The following MTRES1 variants were observed in gnomAD, a reference collection of about 807,000 sequenced individuals.
The protein encoded by MTRES1 is uncharacterized protein C6orf203.
MTRES1 carries 11 observed loss-of-function variants against 17.4 expected under a neutral mutation model. The observed-to-expected ratio is 0.63, with a 90% CI of 0.40 to 1.05. The LOEUF is 1.05. MTRES1 is among the 50% of genes least tolerant of loss of function. The pLI, the probability that MTRES1 is intolerant of heterozygous loss-of-function variation, is 0.00. For synonymous variants in MTRES1, 94 were observed against 99.6 expected (o/e 0.94, Z 0.34); for missense variants, 268 against 276.2 (o/e 0.97, Z 0.21).
rs1554227520 is a variant in MTRES1 at position 107,040,190 on chromosome 6, T to C, written c.430T>C (p.Tyr144His). 1 of 1,608,574 alleles carries C rather than the reference T, an allele frequency of 6.2e-7. No homozygotes were observed. The highest frequency in any genetic ancestry group is 1.7e-5 in the Admixed American group (1 of 58,442). ...GGAAAAAGCAGTTCAGTCTTTTCGG[T>C]ATGATGTTGTCCTGAAGACGGGGCT... ...DLEKAVQSFR[Y>H]DVVLKTGLDI... Residue 144 changes from tyrosine (Y) to histidine (H), a missense_variant, in exon 2 of 4, where the codon TAT becomes CAT. Tyr to His is a moderately conservative substitution (Grantham distance 83). Transcript: ENST00000311381.
In MTRES1 at chr6:107,051,127, G is replaced by T; in HGVS notation, c.614G>T (p.Arg205Leu). 1 of 1,613,676 alleles carries T rather than the reference G, an allele frequency of 6.2e-7. No homozygotes were observed. The highest frequency in any genetic ancestry group is 1.6e-4 in the Middle Eastern group (1 of 6,062). The change falls in exon 4 of 4, where the codon CGG becomes CTG. Residue 205 changes from arginine to leucine, a missense_variant. Physicochemically the swap from Arg to Leu is moderately radical, Grantham distance 102. Coordinates refer to ENST00000311381, the MANE Select transcript of MTRES1 (RefSeq NM_016487.5). Reference sequence around the variant, plus strand: ...GAAGCAGGAACAGAGACAGTTATGCGGATTCTCTTGAAAAAAGTGTTTGAA... The same window carrying T: ...GAAGCAGGAACAGAGACAGTTATGCTGATTCTCTTGAAAAAAGTGTTTGAA... The part of the protein sequence containing the change: ...DKEAGTETVM[R>L]ILLKKVFEEK...
chr6:107,049,409 T>A (rs1487227279), intron 3 of MTRES1, among the ~76,000 whole-genome samples: 8 of 48,888 alleles, frequency 1.6e-4, no homozygotes, highest in Non-Finnish European at 3.2e-4. Context: ...ATGGCCCTTC[T>A]TTTTTTTTTT....
intron 3 of MTRES1, among the ~76,000 whole-genome samples, chr6:107,048,842 C>T (rs540438834): frequency 2.9e-3 from 435 of 151,906 alleles, no homozygotes; most frequent in Non-Finnish European, 4.5e-3. Context: ...GGAACCCCCC[C>T]ACCCCTGCCC....
Position 107,040,157 on chromosome 6 carries a change from A to G in MTRES1, c.397A>G (p.Lys133Glu). ...EDDPTVVKNYKDLEKAVQSFR... is the reference protein window; with the variant it reads ...EDDPTVVKNYEDLEKAVQSFR... ...TGATCCTACTGTAGTCAAAAACTAT[A>G]AAGACCTGGAAAAAGCAGTTCAGTC... The change falls in exon 2 of 4, where the codon AAA (lysine) becomes GAA (glutamate). Residue 133 changes from lysine (K) to glutamate (E), a missense_variant. Coordinates refer to ENST00000311381, the MANE Select transcript of MTRES1 (RefSeq NM_016487.5). 6.2e-7 allele frequency: 1 copy of G among 1,612,620 alleles called. No homozygotes were observed. The highest frequency in any genetic ancestry group is 8.5e-7 in the Non-Finnish European group (1 of 1,179,744).
intron 1 of MTRES1, among the ~76,000 whole-genome samples, chr6:107,032,356 C>T (rs373757371): frequency 1.3e-5 from 2 of 152,244 alleles, no homozygotes; most frequent in South Asian, 4.1e-4. Flanking sequence ...AACTGACTGC[C>T]AGGGCACACA....
intron 3 of MTRES1, among the ~76,000 whole-genome samples, chr6:107,048,390 AAAGT>A (rs1554228685): frequency 1.3e-5 from 2 of 151,680 alleles, no homozygotes; most frequent in Non-Finnish European, 2.9e-5. Flanking sequence ...TCAGCCTCCC[AAAGT>A]GCTGGGATTA....
intron 3 of MTRES1, 113 bp downstream of exon 3, chr6:107,044,445 C>T (rs1774325212): frequency 2.6e-6 from 2 of 772,294 alleles, no homozygotes; most frequent in East Asian, 2.5e-5. Context: ...CTCTGAGGTC[C>T]TTTGTGGTCC....
In MTRES1 at chr6:107,039,905, A is replaced by G. The variant is rs782793383; in HGVS notation, c.145A>G (p.Lys49Glu). The G allele has an allele frequency of 2.5e-6, 4 of 1,614,128 alleles. No individual in the cohort carries two copies. Among genetic ancestry groups the G allele is most frequent in the Admixed American group, 1.7e-5 (1 of 60,004 alleles). Residue 49 changes from lysine to glutamate, a missense_variant, in exon 2 of 4, where the codon AAG becomes GAG. Lys to Glu is a moderately conservative substitution (Grantham distance 56). Transcript: ENST00000311381. The part of the protein sequence containing the change: ...WNRYLYFSST[K>E]LRAPNYKTLF... ...TCGATACTTGTATTTTTCTAGTACC[A>G]AGTTACGTGCACCAAATTATAAAAC... is the stretch of plus-strand genomic sequence containing the variant.
intron 1 of MTRES1, chr6:107,028,477 C>T (rs1773713286): frequency 6.6e-6 from 1 of 152,360 alleles, no homozygotes; most frequent in Non-Finnish European, 1.5e-5. Context: ...CCTCCTGTCG[C>T]TCCTGCTGGC....
intron 3 of MTRES1, 126 bp downstream of exon 3, chr6:107,044,458 C>T: frequency 1.4e-6 from 1 of 714,724 alleles, no homozygotes; most frequent in Non-Finnish European, 2.5e-6. Context: ...TGTGGTCCTC[C>T]ACGTCAAGCT....
chr6:107,042,926 A>C (rs1394332429), intron 2 of MTRES1, among the ~76,000 whole-genome samples: 1 of 152,186 alleles, frequency 6.6e-6, no homozygotes, highest in Non-Finnish European at 1.5e-5. Context: ...CAGCAGTTCA[A>C]CATCTATTTA....
intron 3 of MTRES1, among the ~76,000 whole-genome samples, chr6:107,047,595 G>T (rs1774435539): frequency 6.6e-6 from 1 of 151,948 alleles, no homozygotes; most frequent in African/African-American, 2.4e-5. Flanking sequence ...TATTAAAAAT[G>T]AATTGTAGGC....
chr6:107,044,405 C>T, intron 3 of MTRES1, 73 bp downstream of exon 3: 1 of 1,185,224 alleles, frequency 8.4e-7, no homozygotes. Context: ...TTAATGCTGT[C>T]CCAAATTTTC....
intron 2 of MTRES1, chr6:107,040,975 C>T (rs1431111043): frequency 6.6e-6 from 1 of 152,000 alleles, no homozygotes; most frequent in Non-Finnish European, 1.5e-5. Context: ...GTCTGTAATC[C>T]GAGCACTTTG....
At chr6:107,033,420 A>G (rs372389076) in intron 1 of MTRES1, among the ~76,000 whole-genome samples, 4 of 151,224 alleles carry the variant, frequency 2.6e-5, no homozygotes, top group African/African-American at 9.7e-5. Context: ...TAAGGAACCC[A>G]GTATTCTCCA....
At chr6:107,028,703 T>A (rs1417610951) in intron 1 of MTRES1, 1 of 156,694 alleles carries the variant, frequency 6.4e-6, no homozygotes, top group African/African-American at 2.4e-5. Context: ...TACGGAGCGG[T>A]GAACGGGCTC....
chr6:107,033,007 G>C (rs1402647162), intron 1 of MTRES1, among the ~76,000 whole-genome samples: 1 of 152,142 alleles, frequency 6.6e-6, no homozygotes, highest in African/African-American at 2.4e-5. Context: ...TGGTGACAAG[G>C]ACTGTGTGTT....
At position 107,040,091 on chromosome 6, in the gene MTRES1, C is replaced by T. The variant is rs782565492; in HGVS notation, c.331C>T (p.His111Tyr). 4.3e-6 allele frequency: 7 copies of T among 1,613,760 alleles called. No homozygotes were observed. The South Asian group carries it at 6.6e-5, about 15-fold the overall frequency. The change falls in exon 2 of 4, where the codon CAT becomes TAT. Residue 111 changes from histidine to tyrosine, a missense_variant. By Grantham distance (83) the His-to-Tyr change is moderately conservative. Coordinates refer to ENST00000311381, the MANE Select transcript of MTRES1 (RefSeq NM_016487.5). ...VDEEDSDEES[H>Y]HDEMSEQEEE... ...TGAAGAGGACTCTGATGAAGAAAGCCATCATGATGAGATGAGTGAGCAGGA... is the reference window on the plus strand; with the variant it reads ...TGAAGAGGACTCTGATGAAGAAAGCTATCATGATGAGATGAGTGAGCAGGA...
chr6:107,045,102 C>A (rs773184396), intron 3 of MTRES1, among the ~76,000 whole-genome samples: 49 of 151,736 alleles, frequency 3.2e-4, no homozygotes, highest in Non-Finnish European at 3.8e-4. Context: ...GGAGGATTAT[C>A]TGAGCCTAGG....
Sources: gnomAD v4.1 joint callset for allele counts (sites outside exome capture counted in the v4.1 genomes callset) on GRCh38, gnomAD v4.1.1 for gene constraint, MANE v1.5 for transcripts, NCBI Gene and HGNC (gene_info 2026-07-23, HGNC 2026-07-21) for gene names.